The following FRAS1 variants were observed in gnomAD, a reference collection of about 807,000 sequenced individuals.
FRAS1 encodes Fraser extracellular matrix complex subunit 1, also known as extracellular matrix organizing protein FRAS1.
Under a neutral mutation model 435.2 loss-of-function variants are expected in FRAS1, and 290 were observed. The ratio of observed to expected loss-of-function variants is 0.67; its 90% CI spans 0.61 to 0.73. The LOEUF (loss-of-function observed/expected upper bound fraction) is 0.73. Ranked by LOEUF, FRAS1 falls within the 30% of genes least tolerant of loss-of-function variation. The probability of loss-of-function intolerance (pLI) is 0.00; values close to 1 mark genes in which losing one functional copy is unlikely to be tolerated. For missense variants in FRAS1, 4,860 were observed against 5,001.5 expected (o/e 0.97, Z 0.85); for synonymous variants, 1,800 against 1,851.0 (o/e 0.97, Z 0.71).
chr4:78,338,699 G>A lies in FRAS1; in HGVS notation c.2422+882G>A, dbSNP rs193123595. On this transcript the variant is annotated intron_variant, in intron 20 of 73. Coordinates refer to ENST00000512123, the MANE Select transcript of FRAS1 (RefSeq NM_025074.7). ...ACCAGGCTGTCAGGCTTGTTCTGGA[G>A]CAGGGAAGAGGCATGGCCAGTTGTC... Among the ~76,000 whole-genome samples the A allele has an allele frequency of 3.8e-3, 586 of 152,304 alleles. 3 individuals are homozygous for A. Among genetic ancestry groups the A allele is most frequent in the Non-Finnish European group, 6.7e-3 (458 of 68,032 alleles).
In FRAS1 at chr4:78,369,946, C is replaced by T. The variant is rs374791994; in HGVS notation, c.2831C>T (p.Pro944Leu). ...FGECQYESCA[P>L]QYYLDFSTNT... ...GAATGTCAATACGAGAGCTGCGCCC[C>T]ACAGTACTATCTTGACTTCTCCACC... Residue 944 changes from proline to leucine, a missense_variant, in exon 23 of 74, where the codon CCA (proline) becomes CTA (leucine). Coordinates refer to ENST00000512123, the MANE Select transcript of FRAS1 (RefSeq NM_025074.7). 5 of 1,613,812 alleles carry T rather than the reference C, an allele frequency of 3.1e-6. No homozygotes were observed. The highest frequency in any genetic ancestry group is 1.3e-5 in the African/African-American group (1 of 75,060).
At position 78,419,004 on chromosome 4, in the gene FRAS1, C is replaced by T. The variant is rs778451404; in HGVS notation, c.4481C>T (p.Ser1494Phe). The change falls in exon 33 of 74, where the codon TCT becomes TTT. Residue 1494 changes from serine to phenylalanine, a missense_variant. Coordinates refer to ENST00000512123, the MANE Select transcript of FRAS1 (RefSeq NM_025074.7). ...CCTCATTCCCTCTCCTTCATAAACTCTGAGAAGCCAAGTGGAAAGATTGTC... is the reference window on the plus strand; with the variant it reads ...CCTCATTCCCTCTCCTTCATAAACTTTGAGAAGCCAAGTGGAAAGATTGTC... ...IQPHSLSFIN[S>F]EKPSGKIVYN... 2.5e-6 allele frequency: 4 copies of T among 1,603,152 alleles called. No individual in the cohort carries two copies. The highest frequency in any genetic ancestry group is 1.7e-5 in the Admixed American group (1 of 57,902).
chr4:78,510,895 A>C (rs941690076), intron 63 of FRAS1, among the ~76,000 whole-genome samples: 1 of 152,216 alleles, frequency 6.6e-6, no homozygotes, highest in Non-Finnish European at 1.5e-5. Context: ...TCCTGACATC[A>C]TGCTCTCAGC....
At chr4:78,515,649 C>G in intron 65 of FRAS1, 150 bp from the exon 66 acceptor site, 1 of 666,290 alleles carries the variant, frequency 1.5e-6, no homozygotes, top group East Asian at 2.8e-5. Context: ...TCACATTCTC[C>G]CTGCACATTG....
At chr4:78,479,028 A>G (rs1295464921) in intron 55 of FRAS1, among the ~76,000 whole-genome samples, 3 of 152,234 alleles carry the variant, frequency 2.0e-5, no homozygotes, top group Admixed American at 2.0e-4. Context: ...TACCTTCAGG[A>G]CACAATTACT....
Position 78,534,367 on chromosome 4 carries a change from G to A in FRAS1, c.10926-82G>A, listed in dbSNP as rs759454128. The A allele has an allele frequency of 1.4e-4, 151 of 1,118,098 alleles. 1 individual carries two copies. The highest frequency in any genetic ancestry group is 4.0e-4 in the Middle Eastern group (2 of 4,992). 69.3% of individuals were successfully genotyped at this position (1,118,098 alleles called of 1,614,324 possible). On this transcript the variant is annotated intron_variant, in intron 70 of 73. Transcript: ENST00000512123. ...AGCTCTGTGTACAATCCTGTGGAGGGTGGGGAAGGGAGGGTGACTCAAATG... is the reference window on the plus strand; with the variant it reads ...AGCTCTGTGTACAATCCTGTGGAGGATGGGGAAGGGAGGGTGACTCAAATG...
At chr4:78,457,477 C>T (rs1319693243) in intron 47 of FRAS1, among the ~76,000 whole-genome samples, 1 of 152,118 alleles carries the variant, frequency 6.6e-6, no homozygotes, top group African/African-American at 2.4e-5. Flanking sequence ...GAGCATTTCC[C>T]CACCCTTCTG....
chr4:78,532,386 T>C (rs1011768657), intron 70 of FRAS1, among the ~76,000 whole-genome samples: 4 of 152,226 alleles, frequency 2.6e-5, no homozygotes, highest in African/African-American at 9.6e-5. Flanking sequence ...GTTTCTTCCT[T>C]TCTCTCTCTT....
chr4:78,409,770 GC>G (rs1474907673), intron 31 of FRAS1, among the ~76,000 whole-genome samples: 3 of 152,172 alleles, frequency 2.0e-5, no homozygotes, highest in African/African-American at 7.2e-5. Flanking sequence ...CGGTGTCAGG[GC>G]CTCTCAAAGT....
chr4:78,371,430 G>T (rs1731501042), intron 23 of FRAS1, among the ~76,000 whole-genome samples: 1 of 152,008 alleles, frequency 6.6e-6, no homozygotes, highest in African/African-American at 2.4e-5. Flanking sequence ...ATGGAGATAG[G>T]TTCTCTAAGA....
At chr4:78,069,489 C>T (rs534457504) in intron 2 of FRAS1, among the ~76,000 whole-genome samples, 12 of 152,278 alleles carry the variant, frequency 7.9e-5, no homozygotes, top group East Asian at 1.9e-4. Flanking sequence ...ATGGCCCTGG[C>T]GGTCAGACAC....
chr4:78,113,046 C>G (rs1470323917), intron 2 of FRAS1, among the ~76,000 whole-genome samples: 2 of 152,102 alleles, frequency 1.3e-5, no homozygotes, highest in Non-Finnish European at 2.9e-5. Flanking sequence ...TCTCATTGTT[C>G]AATTCCCACC....
intron 2 of FRAS1, among the ~76,000 whole-genome samples, chr4:78,096,514 T>C (rs1449079791): frequency 6.6e-6 from 1 of 152,200 alleles, no homozygotes; most frequent in East Asian, 1.9e-4. Flanking sequence ...TGCAGCAAAC[T>C]TCTGCCTGGG....
chr4:78,128,214 C>T (rs1367196709), intron 2 of FRAS1, among the ~76,000 whole-genome samples: 7 of 151,972 alleles, frequency 4.6e-5, no homozygotes, highest in African/African-American at 7.3e-5. Flanking sequence ...AATAAACATA[C>T]GTGTGCATGT....
intron 20 of FRAS1, among the ~76,000 whole-genome samples, chr4:78,363,273 C>T (rs140075080): frequency 2.6e-5 from 4 of 152,272 alleles, no homozygotes; most frequent in East Asian, 3.9e-4. Context: ...AAGGTCATTC[C>T]GTTGGAAAGG....
At chr4:78,167,190 A>G (rs970827219) in intron 2 of FRAS1, among the ~76,000 whole-genome samples, 6 of 152,206 alleles carry the variant, frequency 3.9e-5, no homozygotes, top group African/African-American at 2.4e-5. Context: ...ACAGCCATTA[A>G]TCTTGGTGCA....
At chr4:78,181,783 C>T in intron 2 of FRAS1, 2 of 1,610,898 alleles carry the variant, frequency 1.2e-6, no homozygotes, top group Non-Finnish European at 1.7e-6. Context: ...TCTTGTCAAC[C>T]ACGCCAACGC....
chr4:78,213,186 G>C (rs970757549), intron 2 of FRAS1, among the ~76,000 whole-genome samples: 4 of 152,224 alleles, frequency 2.6e-5, no homozygotes, highest in Non-Finnish European at 5.9e-5. Context: ...ACCATGATTA[G>C]AATGTGGCTC....
At chr4:78,524,467 A>G (rs56327041) in intron 69 of FRAS1, among the ~76,000 whole-genome samples, 20,068 of 152,170 alleles carry the variant, frequency 0.13, 1,477 homozygotes, top group East Asian at 0.23. Flanking sequence ...CTTATGGTCC[A>G]TGTTGTGATA....
Sources: allele counts gnomAD v4.1 joint callset (sites outside exome capture counted in the v4.1 genomes callset), GRCh38; gene constraint gnomAD v4.1.1; transcripts MANE v1.5; gene names NCBI Gene and HGNC (gene_info 2026-07-23, HGNC 2026-07-21).